The following CTDSPL variants were observed in gnomAD, a reference collection of about 807,000 sequenced individuals.
CTDSPL encodes the protein CTD small phosphatase like, also known as CTD small phosphatase-like protein.
In CTDSPL, 8 loss-of-function variants were observed where a neutral mutation model predicts 30.5. The ratio of observed to expected loss-of-function variants is 0.26; its 90% CI spans 0.15 to 0.47. The LOEUF is 0.47. Ranked by LOEUF, CTDSPL falls within the 20% of genes least tolerant of loss-of-function variation. The pLI is 0.99. For missense variants in CTDSPL, 248 were observed against 366.1 expected (o/e 0.68, Z 2.63); for synonymous variants, 110 against 137.9 (o/e 0.80, Z 1.42).
chr3:37,933,469 A>G (rs1698879593), intron 1 of CTDSPL, among the ~76,000 whole-genome samples: 1 of 152,216 alleles, frequency 6.6e-6, no homozygotes, highest in South Asian at 2.1e-4. Context: ...TAATGGTAGC[A>G]TGCTACATGG....
chr3:37,909,997 C>T (rs1698563438), intron 1 of CTDSPL, among the ~76,000 whole-genome samples: 2 of 152,312 alleles, frequency 1.3e-5, no homozygotes, highest in South Asian at 4.1e-4. Flanking sequence ...AATCCCAGCT[C>T]CATCATTTTT....
At chr3:37,868,829 T>C (rs932871557) in intron 1 of CTDSPL, among the ~76,000 whole-genome samples, 3 of 152,132 alleles carry the variant, frequency 2.0e-5, no homozygotes, top group African/African-American at 7.2e-5. Flanking sequence ...AGTCATGATA[T>C]AGAGTAGACT....
In CTDSPL at chr3:37,862,958, G is replaced by T. The variant is rs1697961994; in HGVS notation, c.79+680G>T. Among the ~76,000 whole-genome samples the T allele has an allele frequency of 6.6e-6, 1 of 152,180 alleles. No individual in the cohort carries two copies. Among genetic ancestry groups the T allele is most frequent in the Non-Finnish European group, 1.5e-5 (1 of 68,046 alleles). On this transcript the variant is annotated intron_variant, in intron 1 of 7. Transcript: ENST00000273179. This position sits in a 1 kb window ranked among gnomAD's most constrained non-coding sequence, Gnocchi z 4.3. Reference sequence around the variant, plus strand: ...GTGTGTGTAAATTGTATACAATGAGGCTGTGTGCATCAGTGCACCTAACCA... The same window carrying T: ...GTGTGTGTAAATTGTATACAATGAGTCTGTGTGCATCAGTGCACCTAACCA...
chr3:37,952,698 C>T (rs1699124258), intron 2 of CTDSPL, among the ~76,000 whole-genome samples: 1 of 152,206 alleles, frequency 6.6e-6, no homozygotes, highest in Admixed American at 6.5e-5. Context: ...TGGGTATAGC[C>T]ATTTGTCACA....
chr3:37,954,110 A>G (rs544876558), intron 2 of CTDSPL, among the ~76,000 whole-genome samples: 1 of 152,346 alleles, frequency 6.6e-6, no homozygotes, highest in African/African-American at 2.4e-5. Context: ...ACAGCTTGGT[A>G]TCTTTGTAGA....
intron 1 of CTDSPL, among the ~76,000 whole-genome samples, chr3:37,938,912 A>G (rs541738659): frequency 6.7e-6 from 1 of 149,698 alleles, no homozygotes; most frequent in Non-Finnish European, 1.5e-5. Flanking sequence ...CCTGAGTCCT[A>G]AGGTTTGTTT....
At position 37,982,045 on chromosome 3, in the gene CTDSPL, G is replaced by A. The variant is rs1699498216; in HGVS notation, c.*1178G>A. 2.7e-6 allele frequency: 1 copy of A among 375,884 alleles called. No individual in the cohort carries two copies. Among genetic ancestry groups the A allele is most frequent in the Admixed American group, 3.4e-5 (1 of 29,638 alleles). 23.3% of individuals were successfully genotyped at this position (375,884 alleles called of 1,614,324 possible). On this transcript the variant is annotated 3_prime_UTR_variant, in exon 8 of 8. Transcript: ENST00000273179. ...CCCTTCCTGGCATTGGCCACTGAAG[G>A]GTACAAAGGCAAAAGGACCACAGCA...
In CTDSPL at chr3:37,927,938, C is replaced by T. The variant is rs76630502; in HGVS notation, c.80-19119C>T. ...AATACCTCATGTAAGTGGAATCATA[C>T]AGTATTTGTTCTGTGACTGGCTTAT... On this transcript the variant is annotated intron_variant, in intron 1 of 7. Transcript: ENST00000273179. 2.0e-3 allele frequency among the ~76,000 whole-genome samples: 302 copies of T among 152,098 alleles called. 2 individuals carry two copies. Among genetic ancestry groups the T allele is most frequent in the African/African-American group, 7.0e-3 (290 of 41,470 alleles).
At chr3:37,914,877 T>C (rs1204610238) in intron 1 of CTDSPL, among the ~76,000 whole-genome samples, 1 of 139,722 alleles carries the variant, frequency 7.2e-6, no homozygotes, top group Non-Finnish European at 1.5e-5. Flanking sequence ...TATGTTCTTT[T>C]TTTTTTTTTT....
intron 7 of CTDSPL, among the ~76,000 whole-genome samples, chr3:37,976,696 TA>T (rs1437708285): frequency 2.0e-5 from 3 of 151,916 alleles, no homozygotes; most frequent in Non-Finnish European, 4.4e-5. Context: ...CAAGCTTTGC[TA>T]CCTCATCATG....
chr3:37,920,170 T>C (rs577840201), intron 1 of CTDSPL, among the ~76,000 whole-genome samples: 156 of 152,310 alleles, frequency 1.0e-3, no homozygotes, highest in Non-Finnish European at 1.8e-3. Flanking sequence ...GAGGAACAAT[T>C]GCTAGATGAA....
In CTDSPL at chr3:37,862,245, G is replaced by T; in HGVS notation, c.46G>T (p.Asp16Tyr). 1 of 1,492,566 alleles carries T rather than the reference G, an allele frequency of 6.7e-7. No individual in the cohort carries two copies. The allele number at this position is 1,492,566 out of a possible 1,614,324, so 92.5% of individuals were successfully genotyped here. Residue 16 changes from aspartate to tyrosine, a missense_variant, in exon 1 of 8, where the codon GAC (aspartate) becomes TAC (tyrosine). This residue lies in a region of CTDSPL where 118 missense variants were observed against 124.7 expected (regional missense o/e 0.95). Transcript: ENST00000273179. This position sits in a 1 kb window ranked among gnomAD's most constrained non-coding sequence, Gnocchi z 4.3. The part of the protein sequence containing the change: ...IITQVTNPKE[D>Y]EGRLPGAGEK... ...CACCCAGGTGACCAACCCCAAGGAG[G>T]ACGAGGGCCGGTTGCCGGGCGCGGG...
chr3:37,937,426 A>G (rs943673048), intron 1 of CTDSPL, among the ~76,000 whole-genome samples: 11 of 150,250 alleles, frequency 7.3e-5, no homozygotes, highest in African/African-American at 2.7e-4. Flanking sequence ...GTAGGTTGTT[A>G]TAAAGAAAGG....
Position 37,980,948 on chromosome 3 carries a change from A to G in CTDSPL, c.*81A>G. ...ACCTGCCTGTCCTCAGCTCCCTGGG[A>G]GCTGAAAGTGAGGATACTCCGTGCT... is the stretch of plus-strand genomic sequence containing the variant. On this transcript the variant is annotated 3_prime_UTR_variant, in exon 8 of 8. Transcript: ENST00000273179. 1 of 1,510,358 alleles carries G rather than the reference A, an allele frequency of 6.6e-7. No individual in the cohort carries two copies. The highest frequency in any genetic ancestry group is 9.0e-7 in the Non-Finnish European group (1 of 1,116,778). The allele number at this position is 1,510,358 out of a possible 1,614,324, so 93.6% of individuals were successfully genotyped here. A position where few individuals can be genotyped will look rare whatever the true frequency, so the allele number is the denominator to read the frequency against.
Position 37,862,286 on chromosome 3 carries a change from G to A in CTDSPL, c.79+8G>A. The A allele has an allele frequency of 3.4e-6, 5 of 1,490,534 alleles. No individual in the cohort carries two copies. The highest frequency in any genetic ancestry group is 2.5e-5 in the South Asian group (2 of 78,750). The allele number at this position is 1,490,534 out of a possible 1,614,324, so 92.3% of individuals were successfully genotyped here. On this transcript the variant is annotated splice_region_variant and intron_variant, in intron 1 of 7. Transcript: ENST00000273179. This position sits in a 1 kb window ranked among gnomAD's most constrained non-coding sequence, Gnocchi z 4.3. Reference sequence around the variant, plus strand: ...CGGGCGCGGGCGAGAAAGGTGAGGAGGGGCGCAGGCGGCCGCGGGCTGGGG... The same window carrying A: ...CGGGCGCGGGCGAGAAAGGTGAGGAAGGGCGCAGGCGGCCGCGGGCTGGGG...
At chr3:37,960,405 G>A (rs1413555702) in intron 3 of CTDSPL, among the ~76,000 whole-genome samples, 4 of 146,000 alleles carry the variant, frequency 2.7e-5, no homozygotes, top group Non-Finnish European at 6.0e-5. Flanking sequence ...ACTTGAACCC[G>A]GGAGGTGGAG....
intron 2 of CTDSPL, among the ~76,000 whole-genome samples, chr3:37,950,272 A>G (rs991199442): frequency 2.1e-4 from 32 of 152,314 alleles, no homozygotes; most frequent in African/African-American, 7.2e-4. Flanking sequence ...ACCTGCACAG[A>G]CACTAAGGGA....
At chr3:37,956,155 T>TGA (rs1699170424) in intron 2 of CTDSPL, among the ~76,000 whole-genome samples, 1 of 151,982 alleles carries the variant, frequency 6.6e-6, no homozygotes, top group Non-Finnish European at 1.5e-5. Flanking sequence ...TGACTAGGGG[T>TGA]TGGAGATAAT....
chr3:37,976,630 C>CAA (rs1195626616), intron 7 of CTDSPL, among the ~76,000 whole-genome samples: 3 of 89,114 alleles, frequency 3.4e-5, no homozygotes, highest in Non-Finnish European at 4.7e-5. Context: ...GACTCCGTCT[C>CAA]AAAAAAAAAA....
Sources: allele counts gnomAD v4.1 joint callset (sites outside exome capture counted in the v4.1 genomes callset), GRCh38; gene constraint gnomAD v4.1.1; regional missense constraint gnomAD v4.1.1; non-coding constraint Gnocchi (gnomAD v3.1); transcripts MANE v1.5; gene names NCBI Gene and HGNC (gene_info 2026-07-23, HGNC 2026-07-21).